Variants in IKBKB observed in about 807,000 individuals in gnomAD.
IKBKB encodes the protein inhibitor of nuclear factor kappa-B kinase subunit beta.
IKBKB carries 42 observed loss-of-function variants against 113.6 expected under a neutral mutation model. The observed-to-expected ratio is 0.37, with a 90% CI of 0.29 to 0.48. The LOEUF is 0.48. Ranked by LOEUF, IKBKB falls within the 20% of genes least tolerant of loss-of-function variation. The pLI, the probability that IKBKB is intolerant of heterozygous loss-of-function variation, is 0.99. For missense variants in IKBKB, 673 were observed against 939.7 expected (o/e 0.72, Z 3.71); for synonymous variants, 296 against 361.3 (o/e 0.82, Z 2.05).
In IKBKB at chr8:42,331,436, C is replaced by T. The variant is rs1289801839; in HGVS notation, c.*457C>T. The T allele has an allele frequency of 2.8e-6, 2 of 702,192 alleles. No homozygotes were observed. The highest frequency in any genetic ancestry group is 5.2e-6 in the Non-Finnish European group (2 of 384,928). 43.5% of individuals were successfully genotyped at this position (702,192 alleles called of 1,614,324 possible). ...AGTCCGAGCAGCGCTTGGTGACAGC[C>T]TGTCCTCTCCTGCTCTCCAAAGGCC... On this transcript the variant is annotated 3_prime_UTR_variant, in exon 22 of 22. Transcript: ENST00000520810.
intron 5 of IKBKB, among the ~76,000 whole-genome samples, chr8:42,298,728 C>A (rs1199961097): frequency 2.6e-5 from 4 of 152,154 alleles, no homozygotes; most frequent in African/African-American, 9.7e-5. Context: ...GCAGCGTCCC[C>A]TTCTTTAGGA....
At chr8:42,302,100 G>T (rs949012183) in intron 5 of IKBKB, among the ~76,000 whole-genome samples, 5 of 152,200 alleles carry the variant, frequency 3.3e-5, no homozygotes, top group Non-Finnish European at 7.3e-5. Context: ...GCATGGCCTT[G>T]CTCTCTGCCA....
chr8:42,284,852 C>CTTTTTTTTTTTTTTTTTTTTTTTTTTT (rs559953662), intron 2 of IKBKB, among the ~76,000 whole-genome samples: 1 of 116,096 alleles, frequency 8.6e-6, no homozygotes, highest in Non-Finnish European at 1.7e-5. Flanking sequence ...AAACGTTATT[C>CTTTTTTTTTTTTTTTTTTTTTTTTTTT]TTTTTTTTTT....
chr8:42,328,529 C>T (rs1821245464), intron 20 of IKBKB, among the ~76,000 whole-genome samples: 1 of 152,120 alleles, frequency 6.6e-6, no homozygotes, highest in Admixed American at 6.5e-5. Flanking sequence ...AAAGGTGGAC[C>T]TGGGTATATA....
intron 2 of IKBKB, among the ~76,000 whole-genome samples, chr8:42,278,390 G>A (rs190366257): frequency 1.8e-4 from 28 of 152,330 alleles, no homozygotes; most frequent in Middle Eastern, 3.4e-3. Flanking sequence ...GTTAGAGGGA[G>A]GCGCTGTGCC....
In IKBKB at chr8:42,318,657, A is replaced by G. The variant is rs750477759; in HGVS notation, c.1346A>G (p.Gln449Arg). 1 of 1,613,208 alleles carries G rather than the reference A, an allele frequency of 6.2e-7. No homozygotes were observed. Among genetic ancestry groups the G allele is most frequent in the Admixed American group, 1.7e-5 (1 of 59,972 alleles). ...TLKEDCNRLQ[Q>R]GQRAAMMNLL... The stretch of plus-strand genomic sequence containing the variant: ...AAGGAAGATTGCAACCGGCTGCAGC[A>G]GGGACAGCGAGCCGCCATGTAGCGT... The change falls in exon 13 of 22, where the codon CAG becomes CGG. Residue 449 changes from glutamine (Q) to arginine (R), a missense_variant. Gln to Arg is a conservative substitution (Grantham distance 43). This residue lies in a region of IKBKB where 506 missense variants were observed against 638.7 expected (regional missense o/e 0.79). Transcript: ENST00000520810.
intron 2 of IKBKB, among the ~76,000 whole-genome samples, chr8:42,281,205 G>A (rs1810311936): frequency 1.3e-5 from 2 of 152,294 alleles, no homozygotes; most frequent in Non-Finnish European, 2.9e-5. Context: ...GCAGGATCTG[G>A]AAAGGAGGTA....
At chr8:42,309,745 G>GT (rs1817343755) in intron 8 of IKBKB, 1 of 144,954 alleles carries the variant, frequency 6.9e-6, no homozygotes, top group Non-Finnish European at 1.5e-5. Flanking sequence ...AACAAAAAAA[G>GT]TTTAAAAAAA....
intron 4 of IKBKB, 72 bp downstream of exon 4, chr8:42,290,345 A>C (rs1812355985): frequency 1.0e-6 from 1 of 983,996 alleles, no homozygotes; most frequent in South Asian, 1.3e-5. Flanking sequence ...GGATGGGGAG[A>C]CCTTTCACTT....
intron 8 of IKBKB, chr8:42,309,786 G>A (rs1247333774): frequency 3.3e-5 from 5 of 150,556 alleles, no homozygotes; most frequent in African/African-American, 1.2e-4. Flanking sequence ...TAAAGCATAA[G>A]AATGTAGCTG....
intron 2 of IKBKB, among the ~76,000 whole-genome samples, chr8:42,282,047 A>T (rs763311524): frequency 6.6e-6 from 1 of 152,192 alleles, no homozygotes; most frequent in Non-Finnish European, 1.5e-5. Flanking sequence ...ATGCTTATAT[A>T]TAAGTTTTAT....
At chr8:42,300,072 A>T (rs146759940) in intron 5 of IKBKB, among the ~76,000 whole-genome samples, 2 of 152,350 alleles carry the variant, frequency 1.3e-5, no homozygotes, top group African/African-American at 2.4e-5. Context: ...TGAGTGAATT[A>T]GTGAAGTTGT....
At chr8:42,329,696 T>A in intron 21 of IKBKB, 1 of 985,244 alleles carries the variant, frequency 1.0e-6, no homozygotes, top group Non-Finnish European at 1.2e-6. Context: ...TACTGCTGAG[T>A]ATTTGTGTGT....
chr8:42,320,544 AC>A, intron 15 of IKBKB, 190 bp from the exon 16 acceptor site: 1 of 527,822 alleles, frequency 1.9e-6, no homozygotes, highest in Admixed American at 3.7e-5. Flanking sequence ...CCAAGGGGTC[AC>A]ACAGCTAGAA....
chr8:42,325,663 G>C, intron 19 of IKBKB: 1 of 1,118,460 alleles, frequency 8.9e-7, no homozygotes, highest in Non-Finnish European at 1.1e-6. Flanking sequence ...AGGCGACAGA[G>C]CAAGACTCTC....
Position 42,300,059 on chromosome 8 carries a change from C to T in IKBKB, c.389-5128C>T, listed in dbSNP as rs1814847435. Among the ~76,000 whole-genome samples, 3 of 152,310 alleles carry T rather than the reference C, an allele frequency of 2.0e-5. No homozygotes were observed. The South Asian group carries it at 6.2e-4, about 32-fold the overall frequency. On this transcript the variant is annotated intron_variant, in intron 5 of 21. Coordinates refer to ENST00000520810, the MANE Select transcript of IKBKB (RefSeq NM_001556.3). The stretch of plus-strand genomic sequence containing the variant: ...AGATAGTGGACACTCAATAGAGCCT[C>T]GCTGAGTGAATTAGTGAAGTTGTCG...
chr8:42,283,086 A>G (rs1810685795), intron 2 of IKBKB, among the ~76,000 whole-genome samples: 1 of 152,198 alleles, frequency 6.6e-6, no homozygotes, highest in Non-Finnish European at 1.5e-5. Context: ...TTTAAGACCA[A>G]TATCAAGTCT....
At chr8:42,293,703 T>C (rs756746137) in intron 5 of IKBKB, 191 bp downstream of exon 5, 13 of 784,902 alleles carry the variant, frequency 1.7e-5, no homozygotes, top group Non-Finnish European at 2.6e-5. Context: ...GATGCTGAAC[T>C]CAAATAGGTT....
chr8:42,274,844 T>C lies in IKBKB; in HGVS notation c.105+2639T>C, dbSNP rs541473920. ...AAGTGCTGGGATTACAGGTGGGAAC[T>C]ACCGAGCCTGGACGAGATCAGTTTT... On this transcript the variant is annotated intron_variant, in intron 2 of 21. Transcript: ENST00000520810. Among the ~76,000 whole-genome samples the C allele has an allele frequency of 2.1e-3, 258 of 125,198 alleles. 3 individuals carry two copies. The Middle Eastern group carries it at 0.029, about 14-fold the overall frequency. 82.1% of individuals were successfully genotyped at this position (125,198 alleles called of 152,430 possible).
Sources: allele counts gnomAD v4.1 joint callset (sites outside exome capture counted in the v4.1 genomes callset), GRCh38; gene constraint gnomAD v4.1.1; regional missense constraint gnomAD v4.1.1; transcripts MANE v1.5; gene names NCBI Gene and HGNC (gene_info 2026-07-23, HGNC 2026-07-21).